The following RANBP17 variants were observed in gnomAD, a reference collection of about 807,000 sequenced individuals.
The protein encoded by RANBP17 is RAN binding protein 17, also known as ran-binding protein 17.
In RANBP17, 158 loss-of-function variants were observed where a neutral mutation model predicts 141.2. The ratio of observed to expected loss-of-function variants is 1.12; its 90% confidence interval spans 0.98 to 1.28. RANBP17 has a LOEUF of 1.28. Among genes scored for constraint, RANBP17 ranks in the 50% most tolerant of loss-of-function variants. RANBP17 has a pLI of 0.00. For missense variants in RANBP17, 1,438 were observed against 1,290.7 expected (o/e 1.11, Z -1.75); for synonymous variants, 430 against 450.0 (o/e 0.96, Z 0.56).
chr5:170,878,188 T>G lies in RANBP17; in HGVS notation c.110T>G (p.Leu37Arg), dbSNP rs1768352628. ...GAGGCTGAGAAAGCACTCTTGGAAC[T>G]TATTGACAGTCCAGAATGTCTCAGC... ...RIEAEKALLELIDSPECLSKC... is the reference protein window; with the variant it reads ...RIEAEKALLERIDSPECLSKC... Residue 37 changes from leucine to arginine, a missense_variant, in exon 2 of 28, where the codon CTT becomes CGT. Physicochemically the swap from Leu to Arg is moderately radical, Grantham distance 102 (BLOSUM62 -2). Coordinates refer to ENST00000523189, the MANE Select transcript of RANBP17 (RefSeq NM_022897.5). 6.2e-7 allele frequency: 1 copy of G among 1,613,096 alleles called. No individual in the cohort carries two copies. Among genetic ancestry groups the G allele is most frequent in the South Asian group, 1.1e-5 (1 of 90,800 alleles).
intron 14 of RANBP17, among the ~76,000 whole-genome samples, chr5:171,157,746 T>C (rs977568422): frequency 5.3e-5 from 8 of 152,240 alleles, no homozygotes; most frequent in African/African-American, 1.7e-4. Flanking sequence ...AGTAACTGCA[T>C]CCATTAGCCA....
chr5:171,142,487 A>G (rs1325891585), intron 14 of RANBP17, among the ~76,000 whole-genome samples: 1 of 152,178 alleles, frequency 6.6e-6, no homozygotes. Context: ...TCCTTTATAG[A>G]TAAGATTTTA....
intron 14 of RANBP17, among the ~76,000 whole-genome samples, chr5:171,058,325 C>T (rs1408675649): frequency 8.9e-6 from 1 of 112,464 alleles, no homozygotes; most frequent in Non-Finnish European, 1.7e-5. Flanking sequence ...CCCCACCCCA[C>T]AACAGTCCCC....
At chr5:170,891,844 C>T (rs921317269) in intron 3 of RANBP17, among the ~76,000 whole-genome samples, 4 of 152,186 alleles carry the variant, frequency 2.6e-5, no homozygotes, top group African/African-American at 7.2e-5. Flanking sequence ...CCATATCAGC[C>T]TGGTTTCGGT....
chr5:171,095,558 A>T (rs183093825), intron 14 of RANBP17, among the ~76,000 whole-genome samples: 1 of 152,230 alleles, frequency 6.6e-6, no homozygotes, highest in Non-Finnish European at 1.5e-5. Flanking sequence ...TCCATTGTTG[A>T]TGCTGATAAA....
At chr5:170,983,685 T>C (rs978634522) in intron 14 of RANBP17, among the ~76,000 whole-genome samples, 3 of 152,224 alleles carry the variant, frequency 2.0e-5, no homozygotes, top group South Asian at 2.1e-4. Context: ...ATTACTGTTT[T>C]ACTTTTTAAA....
chr5:170,869,991 A>G (rs1767583435), intron 1 of RANBP17, among the ~76,000 whole-genome samples: 1 of 152,144 alleles, frequency 6.6e-6, no homozygotes. Context: ...AAACAGGTCT[A>G]TTACTATTTC....
chr5:171,167,244 T>C (rs535641652), intron 14 of RANBP17, among the ~76,000 whole-genome samples: 2 of 152,322 alleles, frequency 1.3e-5, no homozygotes, highest in East Asian at 3.9e-4. Context: ...GTAGGACCCA[T>C]TGAATTAGAA....
At chr5:170,942,374 T>C in intron 12 of RANBP17, among the ~76,000 whole-genome samples, 1 of 152,106 alleles carries the variant, frequency 6.6e-6, no homozygotes, top group East Asian at 1.9e-4. Context: ...TGCTCATCAA[T>C]ATGAAGATGA....
chr5:170,928,814 C>A (rs1359600424), intron 12 of RANBP17, among the ~76,000 whole-genome samples: 3 of 149,102 alleles, frequency 2.0e-5, no homozygotes, highest in Non-Finnish European at 4.5e-5. Flanking sequence ...GGTCTTTTGG[C>A]TTTACTAATT....
At chr5:171,052,290 G>T (rs1040342162) in intron 14 of RANBP17, among the ~76,000 whole-genome samples, 1 of 152,114 alleles carries the variant, frequency 6.6e-6, no homozygotes, top group Non-Finnish European at 1.5e-5. Flanking sequence ...TTGGTTGCTT[G>T]TGGTTTTTGA....
intron 5 of RANBP17, among the ~76,000 whole-genome samples, chr5:170,901,831 G>A (rs1392308308): frequency 1.3e-5 from 2 of 152,150 alleles, no homozygotes; most frequent in African/African-American, 4.8e-5. Flanking sequence ...TTTTCTTTAC[G>A]AATGTTGAAT....
chr5:170,871,151 C>T lies in RANBP17; in HGVS notation c.19-6946C>T, dbSNP rs537534294. 4.6e-5 allele frequency among the ~76,000 whole-genome samples: 7 copies of T among 152,152 alleles called. No individual in the cohort carries two copies. The South Asian group carries it at 6.2e-4, about 14-fold the overall frequency. On this transcript the variant is annotated intron_variant, in intron 1 of 27. Coordinates refer to ENST00000523189, the MANE Select transcript of RANBP17 (RefSeq NM_022897.5). ...GCAACCTCTGCCTCCCTGGTTCAAG[C>T]GATTCTCCTGCCTCAGCCTCCTGAG...
At position 171,002,009 on chromosome 5, in the gene RANBP17, G is replaced by A. The variant is rs190789996; in HGVS notation, c.1710+33632G>A. ...GCAGGGGCAAATCCCCGAGTTTGAC[G>A]TGTAGGGAAGGGAGGGGGCCTGAAC... On this transcript the variant is annotated intron_variant, in intron 14 of 27. Coordinates refer to ENST00000523189, the MANE Select transcript of RANBP17 (RefSeq NM_022897.5). 1.7e-4 allele frequency among the ~76,000 whole-genome samples: 26 copies of A among 152,236 alleles called. No homozygotes were observed. The East Asian group carries it at 4.1e-3, about 24-fold the overall frequency.
chr5:170,970,950 G>C lies in RANBP17; in HGVS notation c.1710+2573G>C, dbSNP rs371614719. On this transcript the variant is annotated intron_variant, in intron 14 of 27. Coordinates refer to ENST00000523189, the MANE Select transcript of RANBP17 (RefSeq NM_022897.5). Reference sequence around the variant, plus strand: ...ATTGTTATCTGAAAGAGCCTGGCATGTATGTATTGTTTGTATGCTTTCAAC... The same window carrying C: ...ATTGTTATCTGAAAGAGCCTGGCATCTATGTATTGTTTGTATGCTTTCAAC... 4.0e-4 allele frequency among the ~76,000 whole-genome samples: 61 copies of C among 152,198 alleles called. 1 individual carries two copies. In the South Asian group the frequency reaches 0.012, roughly 31 times the overall value.
chr5:170,989,378 A>G (rs1778355386), intron 14 of RANBP17, among the ~76,000 whole-genome samples: 1 of 151,814 alleles, frequency 6.6e-6, no homozygotes, highest in Non-Finnish European at 1.5e-5. Flanking sequence ...AAGTCATAAT[A>G]GCTACAAGTT....
chr5:171,045,306 T>C (rs759892576), intron 14 of RANBP17, among the ~76,000 whole-genome samples: 1 of 152,132 alleles, frequency 6.6e-6, no homozygotes, highest in Non-Finnish European at 1.5e-5. Flanking sequence ...GTACTTGATA[T>C]AACTATATGA....
chr5:171,009,490 C>T (rs1561983416), intron 14 of RANBP17, among the ~76,000 whole-genome samples: 1 of 152,004 alleles, frequency 6.6e-6, no homozygotes, highest in Non-Finnish European at 1.5e-5. Context: ...ATTTTGTACA[C>T]TTTTGTGAGG....
intron 14 of RANBP17, among the ~76,000 whole-genome samples, chr5:171,018,139 G>T (rs1321823288): frequency 6.6e-6 from 1 of 152,132 alleles, no homozygotes. Context: ...CCAGTACCAT[G>T]TTGTTTTGGT....
Sources: allele counts gnomAD v4.1 joint callset (sites outside exome capture counted in the v4.1 genomes callset), GRCh38; gene constraint gnomAD v4.1.1; transcripts MANE v1.5; gene names NCBI Gene and HGNC (gene_info 2026-07-23, HGNC 2026-07-21).